RYR2: variants seen among roughly 807,000 people sequenced by gnomAD.
RYR2 encodes ryanodine receptor 2, also known as cardiac muscle ryanodine receptor-calcium release channel.
A neutral mutation model predicts 601.1 loss-of-function variants in RYR2; 227 were observed. The ratio of observed to expected loss-of-function variants is 0.38; its 90% confidence interval spans 0.34 to 0.42. The LOEUF (loss-of-function observed/expected upper bound fraction) is 0.42, where lower values mean the gene tolerates loss of function less well. Ranked by LOEUF, RYR2 falls within the 10% of genes least tolerant of loss-of-function variation. RYR2 has a pLI of 1.00. For synonymous variants in RYR2, 2,223 were observed against 2,175.1 expected, an observed-to-expected ratio of 1.02 and a Z score of -0.61; for missense variants, 4,646 against 6,156.5, an observed-to-expected ratio of 0.75 and a Z score of 8.21.
intron 1 of RYR2, among the ~76,000 whole-genome samples, chr1:237,133,930 A>AAAAG (rs1672459831): frequency 6.6e-6 from 1 of 151,478 alleles, no homozygotes; most frequent in African/African-American, 2.4e-5. Flanking sequence ...GTCTCAAAAA[A>AAAAG]AAAAAAAAAA....
At chr1:237,187,667 C>T (rs539049493) in intron 1 of RYR2, among the ~76,000 whole-genome samples, 2 of 151,730 alleles carry the variant, frequency 1.3e-5, no homozygotes, top group Non-Finnish European at 2.9e-5. Context: ...TGGTATTGAC[C>T]TCCTGGGCTC....
Position 237,521,921 on chromosome 1 carries a change from C to G in RYR2, c.2823-8506C>G, listed in dbSNP as rs965879470. On this transcript the variant is annotated intron_variant, in intron 24 of 104. Transcript: ENST00000366574. ...CTGACCTTTGTGTTGCTTGCCTGTC[C>G]ACACATTCCATTCCACCACAAGATC... Among the ~76,000 whole-genome samples the G allele has an allele frequency of 7.2e-5, 11 of 152,098 alleles. No homozygotes were observed. The East Asian group carries it at 1.8e-3, about 24-fold the overall frequency.
At chr1:237,451,149 C>T (rs1328899349) in intron 14 of RYR2, among the ~76,000 whole-genome samples, 1 of 152,130 alleles carries the variant, frequency 6.6e-6, no homozygotes, top group Non-Finnish European at 1.5e-5. Context: ...ATAATCCCAG[C>T]ACTTTGGGAG....
At chr1:237,739,024 T>G (rs1573746766) in intron 79 of RYR2, among the ~76,000 whole-genome samples, 1 of 152,212 alleles carries the variant, frequency 6.6e-6, no homozygotes, top group East Asian at 1.9e-4. Context: ...AAATGGTATT[T>G]TGCTGGAGTC....
At chr1:237,809,501 A>G (rs1312715447) in intron 100 of RYR2, among the ~76,000 whole-genome samples, 1 of 152,150 alleles carries the variant, frequency 6.6e-6, no homozygotes, top group Non-Finnish European at 1.5e-5. Flanking sequence ...CTTGGTTTTC[A>G]AAAATCAACA....
intron 89 of RYR2, 100 bp downstream of exon 89, chr1:237,781,746 C>A (rs1695130498): frequency 1.9e-6 from 1 of 526,120 alleles, no homozygotes; most frequent in Non-Finnish European, 3.3e-6. Context: ...AAATAGCACT[C>A]AGATATGATA....
intron 9 of RYR2, 33 bp from the exon 10 acceptor site, chr1:237,388,054 A>C: frequency 6.3e-7 from 1 of 1,576,408 alleles, no homozygotes; most frequent in Non-Finnish European, 8.7e-7. Context: ...TGACACTGAC[A>C]GTCCAGACCT....
At chr1:237,184,590 A>T (rs560407552) in intron 1 of RYR2, among the ~76,000 whole-genome samples, 11 of 152,324 alleles carry the variant, frequency 7.2e-5, no homozygotes, top group African/African-American at 2.4e-4. Flanking sequence ...GACAAAAATA[A>T]TACATAGTCT....
At chr1:237,789,946 G>C (rs1045505477) in intron 92 of RYR2, among the ~76,000 whole-genome samples, 1 of 152,160 alleles carries the variant, frequency 6.6e-6, no homozygotes, top group African/African-American at 2.4e-5. Context: ...GGACAGCCTT[G>C]TTCTAATAAG....
intron 1 of RYR2, among the ~76,000 whole-genome samples, chr1:237,262,875 A>G (rs949227855): frequency 1.3e-5 from 2 of 152,170 alleles, no homozygotes; most frequent in Non-Finnish European, 2.9e-5. Context: ...GTAAGAGTTT[A>G]GGGAAAATAC....
intron 1 of RYR2, among the ~76,000 whole-genome samples, chr1:237,136,764 C>T (rs546909204): frequency 6.6e-6 from 1 of 152,122 alleles, no homozygotes; most frequent in East Asian, 1.9e-4. Context: ...GCCTGTAATC[C>T]CAGCACTTTG....
chr1:237,351,854 C>CAAAAAAAAAAAAAAAAAAAAAAA (rs33955032), intron 3 of RYR2, among the ~76,000 whole-genome samples: 12 of 40,936 alleles, frequency 2.9e-4, no homozygotes, highest in East Asian at 8.0e-4. Flanking sequence ...AAAGACCATG[C>CAAAAAAAAAAAAAAAAAAAAAAA]AAAAAAAAAA....
chr1:237,172,989 T>C (rs904445799), intron 1 of RYR2, among the ~76,000 whole-genome samples: 1 of 152,210 alleles, frequency 6.6e-6, no homozygotes, highest in Non-Finnish European at 1.5e-5. Flanking sequence ...AGCCTGCTAG[T>C]ATGAGCTGTT....
At chr1:237,481,148 A>G (rs1662047261) in intron 17 of RYR2, among the ~76,000 whole-genome samples, 1 of 119,398 alleles carries the variant, frequency 8.4e-6, no homozygotes, top group Non-Finnish European at 1.6e-5. Context: ...ATATATTCAT[A>G]TCAATTTATT....
At chr1:237,050,964 T>TCA (rs1482547604) in intron 1 of RYR2, among the ~76,000 whole-genome samples, 1 of 152,230 alleles carries the variant, frequency 6.6e-6, no homozygotes, top group East Asian at 1.9e-4. Context: ...AAGTTCGGTC[T>TCA]CACACACACG....
intron 62 of RYR2, among the ~76,000 whole-genome samples, chr1:237,681,879 C>G (rs1008486026): frequency 2.0e-5 from 3 of 152,150 alleles, no homozygotes; most frequent in African/African-American, 7.2e-5. Flanking sequence ...CCTTAAACGT[C>G]GTGAAATTGA....
chr1:237,196,926 T>A (rs1680638433), intron 1 of RYR2, among the ~76,000 whole-genome samples: 1 of 152,190 alleles, frequency 6.6e-6, no homozygotes, highest in Non-Finnish European at 1.5e-5. Flanking sequence ...ATTTATTTTG[T>A]TCCTGTTTAA....
chr1:237,476,509 C>CAAAAA (rs56116691), intron 17 of RYR2, among the ~76,000 whole-genome samples: 14 of 70,204 alleles, frequency 2.0e-4, no homozygotes, highest in Non-Finnish European at 3.0e-4. Flanking sequence ...GACTCTGTCT[C>CAAAAA]AAAAAAAAAA....
chr1:237,205,585 G>T (rs1558422022), intron 1 of RYR2, among the ~76,000 whole-genome samples: 1 of 152,220 alleles, frequency 6.6e-6, no homozygotes, highest in Non-Finnish European at 1.5e-5. Context: ...GCAGGATGGG[G>T]CTGGCACCCA....
Sources: gnomAD v4.1 joint callset for allele counts (sites outside exome capture counted in the v4.1 genomes callset) on GRCh38, gnomAD v4.1.1 for gene constraint, MANE v1.5 for transcripts, NCBI Gene and HGNC (gene_info 2026-07-23, HGNC 2026-07-21) for gene names.